PLXNA1: variants seen among roughly 807,000 people sequenced by gnomAD.
The protein encoded by PLXNA1 is plexin A1.
A neutral mutation model predicts 191.7 loss-of-function variants in PLXNA1; 77 were observed. The observed-to-expected ratio is 0.40, with a 90% CI of 0.33 to 0.49. PLXNA1 has a LOEUF of 0.49. PLXNA1 is among the 20% of genes least tolerant of loss of function. The pLI, the probability that PLXNA1 is intolerant of heterozygous loss-of-function variation, is 0.63. For synonymous variants in PLXNA1, 1,137 were observed against 1,156.4 expected (o/e 0.98, Z 0.34); for missense variants, 2,110 against 2,660.2 (o/e 0.79, Z 4.55).
At position 126,989,272 on chromosome 3, in the gene PLXNA1, T is replaced by G; in HGVS notation, c.679T>G (p.Ser227Ala). The change falls in exon 2 of 32, where the codon TCA becomes GCA. Residue 227 changes from serine to alanine, a missense_variant. This residue lies in a region of PLXNA1 where 903 missense variants were observed against 1,015.7 expected (regional missense o/e 0.89). Coordinates refer to ENST00000393409, the MANE Select transcript of PLXNA1 (RefSeq NM_032242.4). ...GFVYQDEFVS[S>A]QLKIPSDTLS... ...CGTGTACCAGGATGAGTTTGTGTCA[T>G]CACAGCTCAAGATCCCTTCGGACAC... The G allele has an allele frequency of 6.2e-7, 1 of 1,613,702 alleles. No homozygotes were observed.
intron 3 of PLXNA1, among the ~76,000 whole-genome samples, chr3:127,002,808 A>C (rs1384959437): frequency 6.6e-6 from 1 of 152,196 alleles, no homozygotes; most frequent in African/African-American, 2.4e-5. Flanking sequence ...CATGCCGATG[A>C]GACGCCCACC....
At chr3:127,004,433 C>A (rs1254337996) in intron 4 of PLXNA1, among the ~76,000 whole-genome samples, 178 bp from the exon 5 acceptor site, 12 of 152,198 alleles carry the variant, frequency 7.9e-5, no homozygotes, top group Admixed American at 7.2e-4. Flanking sequence ...AGGGCAGAGG[C>A]CTGACCTGTG....
At chr3:127,020,365 G>A (rs1414063871) in intron 21 of PLXNA1, 21 bp downstream of exon 21, 24 of 1,610,138 alleles carry the variant, frequency 1.5e-5, no homozygotes, top group East Asian at 2.2e-5. Flanking sequence ...TGGCTCCGGG[G>A]GGTCACAGGA....
intron 9 of PLXNA1, among the ~76,000 whole-genome samples, chr3:127,009,206 G>GT (rs2079083801): frequency 6.6e-6 from 1 of 152,112 alleles, no homozygotes; most frequent in Admixed American, 6.5e-5. Flanking sequence ...AGGGGTGGTA[G>GT]CAGGGCCCTG....
rs563512414 is a variant in PLXNA1, at chr3:127,022,046, G to A, written c.4039-39G>A. The A allele has an allele frequency of 4.4e-6, 7 of 1,591,220 alleles. No homozygotes were observed. In the East Asian group the frequency reaches 1.3e-4, roughly 31 times the overall value. ...CTGGTCAGCTTGGGGGCTGGGGCTG[G>A]GTGCTTCTCTGTGGTCTGAGCTCTG... On this transcript the variant is annotated intron_variant, in intron 21 of 31. Transcript: ENST00000393409.
At position 126,988,509 on chromosome 3, in the gene PLXNA1, C is replaced by T. The variant is rs1559952263; in HGVS notation, c.-73-12C>T. The T allele has an allele frequency of 6.6e-6, 8 of 1,214,468 alleles. No homozygotes were observed. The East Asian group carries it at 2.1e-4, about 31-fold the overall frequency. The allele number at this position is 1,214,468 out of a possible 1,614,324, so 75.2% of individuals were successfully genotyped here. On this transcript the variant is annotated splice_polypyrimidine_tract_variant and intron_variant, in intron 1 of 31. Coordinates refer to ENST00000393409, the MANE Select transcript of PLXNA1 (RefSeq NM_032242.4). ...GCCTGCATTCACATGCCCTCTTCTG[C>T]CCCTTCCCCAGGGCTGAAGCTCCTG... is the stretch of plus-strand genomic sequence containing the variant.
At chr3:127,028,639 G>T (rs2079189058) in intron 25 of PLXNA1, 1 of 529,044 alleles carries the variant, frequency 1.9e-6, no homozygotes, top group Non-Finnish European at 3.4e-6. Flanking sequence ...AGCCATTGAG[G>T]GCCAGAGGGG....
chr3:127,004,000 C>T (rs1400406523), intron 4 of PLXNA1, among the ~76,000 whole-genome samples: 1 of 152,254 alleles, frequency 6.6e-6, no homozygotes, highest in African/African-American at 2.4e-5. Flanking sequence ...TATGGCCCAA[C>T]CTGGTAACCT....
At chr3:127,005,665 C>T (rs1172107584) in intron 7 of PLXNA1, among the ~76,000 whole-genome samples, 4 of 146,232 alleles carry the variant, frequency 2.7e-5, no homozygotes, top group Admixed American at 6.9e-5. Context: ...GACCACATGG[C>T]GGAGACCTGG....
chr3:127,036,681 T>C lies in PLXNA1; in HGVS notation c.*2664T>C, dbSNP rs530080514. 6.6e-6 allele frequency: 1 copy of C among 152,372 alleles called. No individual in the cohort carries two copies. Among genetic ancestry groups the C allele is most frequent in the Non-Finnish European group, 1.5e-5 (1 of 68,102 alleles). The allele number at this position is 152,372 out of a possible 1,614,324, so 9.4% of individuals were successfully genotyped here. On this transcript the variant is annotated 3_prime_UTR_variant, in exon 32 of 32. Transcript: ENST00000393409. Reference sequence around the variant, plus strand: ...CTGGAGGCCCTGGTAGGAGCTGCAGTTGGAGGCCGTTCTGTGCCCAGCAGC... The same window carrying C: ...CTGGAGGCCCTGGTAGGAGCTGCAGCTGGAGGCCGTTCTGTGCCCAGCAGC...
At chr3:127,024,729 C>T (rs781139734) in intron 23 of PLXNA1, among the ~76,000 whole-genome samples, 7 of 152,122 alleles carry the variant, frequency 4.6e-5, no homozygotes, top group Non-Finnish European at 7.4e-5. Context: ...AGGGAGGACA[C>T]GTACTGGGCG....
chr3:127,028,155 G>A (rs1305141117), intron 24 of PLXNA1, 26 bp from the exon 25 acceptor site: 2 of 1,613,168 alleles, frequency 1.2e-6, no homozygotes, highest in Non-Finnish European at 8.5e-7. Flanking sequence ...GGCTGACGCT[G>A]CCCCCTTGCT....
rs754680176 is a variant in PLXNA1, at chr3:127,014,490, A to G, written c.2617A>G (p.Thr873Ala). The G allele has an allele frequency of 1.2e-5, 19 of 1,603,216 alleles. No homozygotes were observed. The highest frequency in any genetic ancestry group is 1.4e-5 in the Non-Finnish European group (17 of 1,179,486). ...DPKILKLSPE[T>A]GPRQGGTRLT... Reference sequence around the variant, plus strand: ...CTGCCTCCCTCAGCTGTCCCCCGAGACGGGCCCGAGGCAGGGCGGCACGCG... The same window carrying G: ...CTGCCTCCCTCAGCTGTCCCCCGAGGCGGGCCCGAGGCAGGGCGGCACGCG... The change falls in exon 13 of 32, where the codon ACG (threonine) becomes GCG (alanine). Residue 873 changes from threonine to alanine, a missense_variant. Physicochemically the swap from Thr to Ala is moderately conservative, Grantham distance 58. Transcript: ENST00000393409.
At chr3:127,019,434 G>C (rs1217972242) in intron 20 of PLXNA1, among the ~76,000 whole-genome samples, 1 of 152,210 alleles carries the variant, frequency 6.6e-6, no homozygotes, top group African/African-American at 2.4e-5. Context: ...TGGGAGGCAG[G>C]TGGCCTGGAC....
At position 127,015,339 on chromosome 3, in the gene PLXNA1, G is replaced by C; in HGVS notation, c.3014+19G>C. 6.3e-7 allele frequency: 1 copy of C among 1,587,066 alleles called. No homozygotes were observed. Among genetic ancestry groups the C allele is most frequent in the Non-Finnish European group, 8.5e-7 (1 of 1,169,602 alleles). Reference sequence around the variant, plus strand: ...TCTCCTGGTACGGGGTGCAGGTGGGGGTGGGGGCCTGGCTGCCCCTCCTCC... The same window carrying C: ...TCTCCTGGTACGGGGTGCAGGTGGGCGTGGGGGCCTGGCTGCCCCTCCTCC... On this transcript the variant is annotated intron_variant, in intron 15 of 31. Coordinates refer to ENST00000393409, the MANE Select transcript of PLXNA1 (RefSeq NM_032242.4).
chr3:126,998,135 A>C (rs1406013124), intron 3 of PLXNA1, among the ~76,000 whole-genome samples: 1 of 152,214 alleles, frequency 6.6e-6, no homozygotes, highest in Non-Finnish European at 1.5e-5. Context: ...GCCAAAGCTC[A>C]GAGGTGCCCC....
chr3:127,009,623 C>T (rs1403906132), intron 9 of PLXNA1, among the ~76,000 whole-genome samples: 1 of 148,220 alleles, frequency 6.7e-6, no homozygotes, highest in East Asian at 2.1e-4. Context: ...CCCCCTGAGA[C>T]AGGAGTGTAC....
At chr3:127,013,928 T>G (rs368470472) in intron 10 of PLXNA1, 92 bp from the exon 11 acceptor site, 1 of 1,165,256 alleles carries the variant, frequency 8.6e-7, no homozygotes, top group Non-Finnish European at 1.3e-6. Context: ...AACTTCCCCC[T>G]AAGCTGGCGC....
In PLXNA1 at chr3:127,034,167, G is replaced by T; in HGVS notation, c.*150G>T. 1 of 669,352 alleles carries T rather than the reference G, an allele frequency of 1.5e-6. No individual in the cohort carries two copies. The highest frequency in any genetic ancestry group is 2.8e-5 in the Admixed American group (1 of 36,222). 41.5% of individuals were successfully genotyped at this position (669,352 alleles called of 1,614,324 possible). A position where few individuals can be genotyped will look rare whatever the true frequency, so the allele number is the denominator to read the frequency against. On this transcript the variant is annotated 3_prime_UTR_variant, in exon 32 of 32. Coordinates refer to ENST00000393409, the MANE Select transcript of PLXNA1 (RefSeq NM_032242.4). ...CGGCCCTCCCTCCCCTGCCTCACCC[G>T]GTCGGGTCCCGGCTCTTCCTGTGTG...
Sources: gnomAD v4.1 joint callset for allele counts (sites outside exome capture counted in the v4.1 genomes callset) on GRCh38, gnomAD v4.1.1 for gene constraint, gnomAD v4.1.1 regional missense constraint, MANE v1.5 for transcripts, NCBI Gene and HGNC (gene_info 2026-07-23, HGNC 2026-07-21) for gene names.